The following ANKS1B variants were observed in gnomAD, a reference collection of about 807,000 sequenced individuals.
ANKS1B encodes ankyrin repeat and sterile alpha motif domain containing 1B.
Under a neutral mutation model 148.3 loss-of-function variants are expected in ANKS1B, and 36 were observed. The observed-to-expected ratio is 0.24, with a 90% CI of 0.19 to 0.32. The LOEUF is 0.32. ANKS1B is among the 10% of genes least tolerant of loss of function. The probability of loss-of-function intolerance (pLI) is 1.00; values close to 1 mark genes in which losing one functional copy is unlikely to be tolerated. For synonymous variants in ANKS1B, 542 were observed against 560.8 expected (o/e 0.97, Z 0.47); for missense variants, 1,157 against 1,542.6 (o/e 0.75, Z 4.19).
intron 12 of ANKS1B, among the ~76,000 whole-genome samples, chr12:99,331,988 A>G (rs1316513903): frequency 6.6e-6 from 1 of 152,046 alleles, no homozygotes; most frequent in Admixed American, 6.6e-5. Context: ...AAAAAGCCTG[A>G]CAATATATTC....
intron 14 of ANKS1B, among the ~76,000 whole-genome samples, chr12:99,212,024 C>T (rs574921171): frequency 6.6e-6 from 1 of 152,318 alleles, no homozygotes; most frequent in East Asian, 1.9e-4. Flanking sequence ...ATGTAGAGCA[C>T]TGTGCTACAG....
At chr12:98,805,855 T>C (rs1341470060) in intron 20 of ANKS1B, among the ~76,000 whole-genome samples, 1 of 152,196 alleles carries the variant, frequency 6.6e-6, no homozygotes, top group African/African-American at 2.4e-5. Flanking sequence ...CCCTTCTCTA[T>C]GTTATTTTCC....
rs547142783 is a variant in ANKS1B, at chr12:99,112,874, C to T, written c.2527-27851G>A. ...CTCTTTCATTCATTAATTCATCAAA[C>T]ATTTATTAGTTGCTCTTTCTATATC... On this transcript the variant is annotated intron_variant, in intron 15 of 26. Transcript: ENST00000683438. Among the ~76,000 whole-genome samples the T allele has an allele frequency of 5.3e-5, 8 of 152,294 alleles. No individual in the cohort carries two copies. In the South Asian group the frequency reaches 1.7e-3, roughly 32 times the overall value.
At chr12:99,773,681 C>G (rs375720774) in intron 7 of ANKS1B, among the ~76,000 whole-genome samples, 37 of 152,046 alleles carry the variant, frequency 2.4e-4, no homozygotes, top group African/African-American at 8.7e-4. Context: ...ATACCTTATA[C>G]CTGTAATTTA....
At chr12:99,437,691 G>A (rs1013379235) in intron 11 of ANKS1B, among the ~76,000 whole-genome samples, 2 of 151,846 alleles carry the variant, frequency 1.3e-5, no homozygotes, top group Non-Finnish European at 2.9e-5. Flanking sequence ...TTAATTAGAT[G>A]TATACACACC....
intron 14 of ANKS1B, among the ~76,000 whole-genome samples, chr12:99,243,645 A>G (rs2089764378): frequency 6.6e-6 from 1 of 152,244 alleles, no homozygotes; most frequent in Admixed American, 6.5e-5. Context: ...CACCAGTGAT[A>G]GACTGGATTA....
intron 25 of ANKS1B, among the ~76,000 whole-genome samples, chr12:98,762,717 G>T (rs528431615): frequency 1.3e-5 from 2 of 152,170 alleles, no homozygotes; most frequent in African/African-American, 2.4e-5. Flanking sequence ...GGCTAAGTTA[G>T]GTGCCCCTCC....
intron 12 of ANKS1B, among the ~76,000 whole-genome samples, chr12:99,260,788 G>T (rs2075845663): frequency 6.6e-6 from 1 of 152,108 alleles, no homozygotes; most frequent in African/African-American, 2.4e-5. Context: ...TCTTTCACAT[G>T]ACCCTTCAAC....
At chr12:99,413,135 A>G (rs1269678738) in intron 11 of ANKS1B, among the ~76,000 whole-genome samples, 1 of 152,206 alleles carries the variant, frequency 6.6e-6, no homozygotes, top group Non-Finnish European at 1.5e-5. Flanking sequence ...AGACGTGGAC[A>G]TTCTTCTAGG....
At chr12:99,328,906 G>A (rs2086980461) in intron 12 of ANKS1B, among the ~76,000 whole-genome samples, 1 of 151,818 alleles carries the variant, frequency 6.6e-6, no homozygotes, top group African/African-American at 2.4e-5. Context: ...TAAAAAGACT[G>A]AAAAAACTTC....
intron 12 of ANKS1B, among the ~76,000 whole-genome samples, chr12:99,311,924 T>C (rs1452369817): frequency 6.6e-6 from 1 of 152,108 alleles, no homozygotes; most frequent in Non-Finnish European, 1.5e-5. Context: ...TCTTAGAGCA[T>C]TATTTTTCTC....
chr12:99,089,362 A>G (rs1443749011), intron 15 of ANKS1B, among the ~76,000 whole-genome samples: 1 of 152,038 alleles, frequency 6.6e-6, no homozygotes, highest in Non-Finnish European at 1.5e-5. Context: ...CATCAACTCC[A>G]TAGAACTTCT....
chr12:99,100,753 C>G (rs1258291231), intron 15 of ANKS1B, among the ~76,000 whole-genome samples: 2 of 152,218 alleles, frequency 1.3e-5, no homozygotes, highest in Non-Finnish European at 2.9e-5. Flanking sequence ...TGGTCTCAAA[C>G]TCCTGACCTC....
intron 1 of ANKS1B, among the ~76,000 whole-genome samples, chr12:99,909,348 T>TA (rs2093917443): frequency 6.6e-6 from 1 of 151,528 alleles, no homozygotes; most frequent in Non-Finnish European, 1.5e-5. Flanking sequence ...ACTGCTGCAA[T>TA]AAACATGGGA....
At chr12:99,651,629 G>A (rs1484060690) in intron 9 of ANKS1B, among the ~76,000 whole-genome samples, 1 of 151,754 alleles carries the variant, frequency 6.6e-6, no homozygotes, top group Non-Finnish European at 1.5e-5. Context: ...ATATTCCTTT[G>A]GTAAATATTT....
chr12:99,712,853 C>A (rs2056820391), intron 8 of ANKS1B, among the ~76,000 whole-genome samples: 1 of 152,156 alleles, frequency 6.6e-6, no homozygotes, highest in East Asian at 1.9e-4. Context: ...TCCTCTGTGG[C>A]TGGAGGGTCC....
chr12:98,812,655 C>A (rs1301015004), intron 19 of ANKS1B, among the ~76,000 whole-genome samples: 1 of 151,948 alleles, frequency 6.6e-6, no homozygotes, highest in Non-Finnish European at 1.5e-5. Context: ...CTCGCTGCAA[C>A]CTCCGCTTCC....
At position 98,911,695 on chromosome 12, in the gene ANKS1B, C is replaced by T. The variant is rs569159068; in HGVS notation, c.2779-79559G>A. On this transcript the variant is annotated intron_variant, in intron 17 of 26. Transcript: ENST00000683438. Reference sequence around the variant, plus strand: ...GGTCACAAGTCTGTTCTACAGCCACCGGGTGTGCTGGTCCTTTTATTGTCC... The same window carrying T: ...GGTCACAAGTCTGTTCTACAGCCACTGGGTGTGCTGGTCCTTTTATTGTCC... Among the ~76,000 whole-genome samples the T allele has an allele frequency of 2.0e-4, 31 of 152,268 alleles. 1 individual carries two copies. The South Asian group carries it at 4.4e-3, about 21-fold the overall frequency.
intron 1 of ANKS1B, among the ~76,000 whole-genome samples, chr12:99,855,769 CCATGGAAATA>C (rs1405178988): frequency 2.6e-5 from 4 of 152,008 alleles, no homozygotes; most frequent in South Asian, 4.2e-4. Flanking sequence ...ACCCTCAAAA[CCATGGAAATA>C]CATGGAAATT....
Sources: gnomAD v4.1 joint callset for allele counts (sites outside exome capture counted in the v4.1 genomes callset) on GRCh38, gnomAD v4.1.1 for gene constraint, MANE v1.5 for transcripts, NCBI Gene and HGNC (gene_info 2026-07-23, HGNC 2026-07-21) for gene names.